Variants in ASIC2 observed in about 807,000 individuals in gnomAD.
ASIC2 encodes the protein acid sensing ion channel subunit 2.
A neutral mutation model predicts 57.3 loss-of-function variants in ASIC2; 25 were observed. The ratio of observed to expected loss-of-function variants is 0.44; its 90% CI spans 0.32 to 0.61. ASIC2 has a LOEUF of 0.61. Among genes scored for constraint, ASIC2 ranks in the 20% least tolerant of loss-of-function variants. The pLI is 0.06. For synonymous variants in ASIC2, 319 were observed against 307.5 expected, an observed-to-expected ratio of 1.04 and a Z score of -0.39; for missense variants, 641 against 738.1, an observed-to-expected ratio of 0.87 and a Z score of 1.52.
At chr17:33,704,989 G>A (rs146420088) in intron 1 of ASIC2, among the ~76,000 whole-genome samples, 44 of 152,318 alleles carry the variant, frequency 2.9e-4, no homozygotes, top group Admixed American at 2.2e-3. Context: ...TCCTGTAGGC[G>A]TATGTTTGTA....
intron 1 of ASIC2, among the ~76,000 whole-genome samples, chr17:34,093,420 G>C (rs966259740): frequency 5.3e-5 from 8 of 152,036 alleles, no homozygotes; most frequent in African/African-American, 1.9e-4. Context: ...GACAAAAAGC[G>C]GTGGGTTAGT....
intron 1 of ASIC2, among the ~76,000 whole-genome samples, chr17:34,144,241 G>A (rs1482658936): frequency 2.6e-5 from 4 of 152,214 alleles, no homozygotes; most frequent in Non-Finnish European, 5.9e-5. Flanking sequence ...GATACAGTAT[G>A]TGCTCAGAAA....
At chr17:33,908,056 G>A (rs78081920) in intron 1 of ASIC2, among the ~76,000 whole-genome samples, 6,249 of 152,222 alleles carry the variant, frequency 0.041, 325 homozygotes, top group East Asian at 0.28. Context: ...CAGACTGTAC[G>A]GAGAAATTTC....
intron 1 of ASIC2, among the ~76,000 whole-genome samples, chr17:33,307,899 T>A (rs1183799478): frequency 6.6e-6 from 1 of 152,196 alleles, no homozygotes; most frequent in African/African-American, 2.4e-5. Context: ...TAATAAATGG[T>A]GGTTGTTAAT....
At position 33,427,487 on chromosome 17, in the gene ASIC2, T is replaced by C. The variant is rs980815610; in HGVS notation, c.556-315420A>G. On this transcript the variant is annotated intron_variant, in intron 1 of 9. Coordinates refer to the ASIC2 transcript ENST00000359872. ...TTCGGAATCAAATGAGAGAAAACTA[T>C]GAAAGGGCTTTGTAAGTGGTAATAT... Among the ~76,000 whole-genome samples the C allele has an allele frequency of 3.9e-5, 6 of 152,204 alleles. No homozygotes were observed. In the East Asian group the frequency reaches 1.2e-3, roughly 29 times the overall value.
chr17:34,127,896 G>C (rs1382820008), intron 1 of ASIC2, among the ~76,000 whole-genome samples: 1 of 152,152 alleles, frequency 6.6e-6, no homozygotes, highest in Non-Finnish European at 1.5e-5. Context: ...AGCATCCCGG[G>C]CCTTGGGCAA....
At chr17:33,800,928 A>G (rs893137077) in intron 1 of ASIC2, among the ~76,000 whole-genome samples, 3 of 152,220 alleles carry the variant, frequency 2.0e-5, no homozygotes, top group African/African-American at 7.2e-5. Context: ...GTCTGACTCT[A>G]GAATCAGTCT....
chr17:33,058,636 T>A (rs2092008009), intron 3 of ASIC2, among the ~76,000 whole-genome samples: 1 of 152,128 alleles, frequency 6.6e-6, no homozygotes, highest in African/African-American at 2.4e-5. Context: ...CCAGTAACCA[T>A]CTATCTTCCT....
At chr17:33,639,568 C>T (rs1906485992) in intron 1 of ASIC2, among the ~76,000 whole-genome samples, 1 of 152,136 alleles carries the variant, frequency 6.6e-6, no homozygotes, top group Admixed American at 6.6e-5. Context: ...CCCCGAGGAG[C>T]TGCCTCCTTG....
intron 3 of ASIC2, among the ~76,000 whole-genome samples, chr17:33,087,411 T>C (rs1299508147): frequency 6.6e-6 from 1 of 152,092 alleles, no homozygotes; most frequent in East Asian, 1.9e-4. Context: ...TGCTCCTGCA[T>C]CAAAGCTGCA....
At chr17:34,129,664 C>A (rs1911893748) in intron 1 of ASIC2, among the ~76,000 whole-genome samples, 1 of 152,188 alleles carries the variant, frequency 6.6e-6, no homozygotes, top group Non-Finnish European at 1.5e-5. Flanking sequence ...GATGAGAAGT[C>A]CTGCCCTGAG....
intron 1 of ASIC2, among the ~76,000 whole-genome samples, chr17:33,884,687 T>C (rs182422001): frequency 8.8e-4 from 134 of 152,172 alleles, no homozygotes; most frequent in African/African-American, 3.2e-3. Flanking sequence ...CTTCAATATA[T>C]TGGCCACAAC....
intron 1 of ASIC2, among the ~76,000 whole-genome samples, chr17:33,769,736 C>A (rs1242668985): frequency 1.3e-5 from 2 of 152,200 alleles, no homozygotes; most frequent in African/African-American, 4.8e-5. Flanking sequence ...AAACAGCAAA[C>A]ATTTATTTCC....
chr17:33,016,032 T>C lies in ASIC2; in HGVS notation c.1529A>G (p.Lys510Arg). Residue 510 changes from lysine to arginine, a missense_variant, in exon 9 of 10, where the codon AAA (lysine) becomes AGA (arginine). Physicochemically the swap from Lys to Arg is conservative, Grantham distance 26. This residue lies in a region of ASIC2 where 252 missense variants were observed against 319.8 expected (regional missense o/e 0.79). Coordinates refer to ENST00000225823, the MANE Select transcript of ASIC2 (RefSeq NM_183377.2). ...ELFDYIYELI[K>R]EKLLDLLGKE... ...GCCAAGCAGGTCTAATAGCTTCTCT[T>C]TGATCAGCTGCAAGAAAAGCAGGAA... 1 of 1,613,904 alleles carries C rather than the reference T, an allele frequency of 6.2e-7. No homozygotes were observed. Among genetic ancestry groups the C allele is most frequent in the Non-Finnish European group, 8.5e-7 (1 of 1,179,942 alleles).
chr17:34,100,200 T>A lies in ASIC2; in HGVS notation c.555+55778A>T, dbSNP rs545640475. ...CTCTTTCTTGTTTTTTTTTTTTTTT[T>A]AAATCAATTGGTGATTCATAGGCAC... On this transcript the variant is annotated intron_variant, in intron 1 of 9. Coordinates refer to the ASIC2 transcript ENST00000359872. Among the ~76,000 whole-genome samples, 998 of 149,602 alleles carry A rather than the reference T, an allele frequency of 6.7e-3. 12 individuals are homozygous for A. The highest frequency in any genetic ancestry group is 0.027 in the Middle Eastern group (8 of 294).
rs1017438491 is a variant in ASIC2, at chr17:34,149,172, T to G, written c.555+6806A>C. Among the ~76,000 whole-genome samples, 3 of 150,686 alleles carry G rather than the reference T, an allele frequency of 2.0e-5. No individual in the cohort carries two copies. The South Asian group carries it at 6.3e-4, about 31-fold the overall frequency. On this transcript the variant is annotated intron_variant, in intron 1 of 9. Coordinates refer to the ASIC2 transcript ENST00000359872. Reference sequence around the variant, plus strand: ...CCCAGGCTGGAGTGCAGTGGTGTGATCATGGCTCCCTGCAGCTTCAACCTT... The same window carrying G: ...CCCAGGCTGGAGTGCAGTGGTGTGAGCATGGCTCCCTGCAGCTTCAACCTT...
intron 1 of ASIC2, among the ~76,000 whole-genome samples, chr17:33,699,853 A>C (rs1908642501): frequency 6.6e-6 from 1 of 152,238 alleles, no homozygotes; most frequent in Non-Finnish European, 1.5e-5. Flanking sequence ...AATAGTGCCC[A>C]TGTCATGAAC....
At chr17:33,498,790 AGT>A (rs144181521) in intron 1 of ASIC2, among the ~76,000 whole-genome samples, 1 of 152,018 alleles carries the variant, frequency 6.6e-6, no homozygotes, top group Admixed American at 6.6e-5. Context: ...AAGAGGAATG[AGT>A]GTGTGTGTGT....
At chr17:33,862,220 C>G (rs958127293) in intron 1 of ASIC2, among the ~76,000 whole-genome samples, 2 of 152,166 alleles carry the variant, frequency 1.3e-5, no homozygotes, top group African/African-American at 4.8e-5. Flanking sequence ...AAACATTTTG[C>G]AAAACCTTCT....
Sources: gnomAD v4.1 joint callset for allele counts (sites outside exome capture counted in the v4.1 genomes callset) on GRCh38, gnomAD v4.1.1 for gene constraint, gnomAD v4.1.1 regional missense constraint, MANE v1.5 for transcripts, NCBI Gene and HGNC (gene_info 2026-07-23, HGNC 2026-07-21) for gene names.